The following CAPN15 variants were observed in gnomAD, a reference collection of about 807,000 sequenced individuals.
CAPN15 encodes the protein calpain-15.
CAPN15 carries 53 observed loss-of-function variants against 97.9 expected under a neutral mutation model. The ratio of observed to expected loss-of-function variants is 0.54; its 90% CI spans 0.43 to 0.68. The LOEUF (loss-of-function observed/expected upper bound fraction) is 0.68, where lower values mean the gene tolerates loss of function less well. Ranked by LOEUF, CAPN15 falls within the 30% of genes least tolerant of loss-of-function variation. The probability of loss-of-function intolerance (pLI) is 0.00; values close to 1 mark genes in which losing one functional copy is unlikely to be tolerated. For synonymous variants in CAPN15, 922 were observed against 722.5 expected (o/e 1.28, Z -4.43); for missense variants, 1,592 against 1,589.8 (o/e 1.00, Z -0.02).
chr16:540,302 CA>C, intron 3 of CAPN15: 2 of 985,502 alleles, frequency 2.0e-6, no homozygotes, highest in Non-Finnish European at 2.4e-6. Context: ...AGGAGCGGCC[CA>C]GGGGGGCCCG....
Position 551,171 on chromosome 16 carries a change from T to C in CAPN15, c.2067-131T>C, listed in dbSNP as rs878913305. On this transcript the variant is annotated intron_variant, in intron 7 of 13. Coordinates refer to ENST00000219611, the MANE Select transcript of CAPN15 (RefSeq NM_005632.3). Reference sequence around the variant, plus strand: ...GGTGAGGGCGCCCCGTCGGTGAGGGTCCCGGTCGGTGAGGGCCCCGGTCGG... The same window carrying C: ...GGTGAGGGCGCCCCGTCGGTGAGGGCCCCGGTCGGTGAGGGCCCCGGTCGG... 1.6e-4 allele frequency: 194 copies of C among 1,236,668 alleles called. 4 individuals carry two copies. The African/African-American group carries it at 2.2e-3, about 14-fold the overall frequency. 76.6% of individuals were successfully genotyped at this position (1,236,668 alleles called of 1,614,324 possible).
rs921150323 is a variant in CAPN15 at position 528,213 on chromosome 16, C to G, written c.-190+184C>G. On this transcript the variant is annotated intron_variant, in intron 1 of 13. Coordinates refer to ENST00000219611, the MANE Select transcript of CAPN15 (RefSeq NM_005632.3). ...CCCCGGAGTGGGGTCAGCCCGCCGC[C>G]CGCTGGCGCCTCCAGGCTGGTGGGG... Among the ~76,000 whole-genome samples the G allele has an allele frequency of 7.2e-5, 11 of 151,950 alleles. 1 individual carries two copies. The highest frequency in any genetic ancestry group is 1.7e-4 in the African/African-American group (7 of 41,500).
chr16:534,314 G>A (rs1481702661), intron 2 of CAPN15, among the ~76,000 whole-genome samples: 1 of 48,948 alleles, frequency 2.0e-5, no homozygotes, highest in African/African-American at 2.2e-4. Context: ...CGGCAGCGCT[G>A]GGGCTGGGGC....
At chr16:529,110 G>T (rs892682043) in intron 1 of CAPN15, among the ~76,000 whole-genome samples, 1 of 151,824 alleles carries the variant, frequency 6.6e-6, no homozygotes, top group Non-Finnish European at 1.5e-5. Flanking sequence ...TGCCTCCTCC[G>T]AGGTCCTTCT....
intron 2 of CAPN15, among the ~76,000 whole-genome samples, chr16:534,659 A>G (rs2033566506): frequency 6.6e-6 from 1 of 152,186 alleles, no homozygotes; most frequent in Admixed American, 6.5e-5. Flanking sequence ...TCGTCCCGGT[A>G]GTGGCTGGCT....
chr16:547,205 T>C lies in CAPN15; in HGVS notation c.367T>C (p.Cys123Arg), dbSNP rs1207122123. 4.6e-6 allele frequency: 7 copies of C among 1,530,484 alleles called. No homozygotes were observed. The highest frequency in any genetic ancestry group is 2.7e-5 in the African/African-American group (2 of 73,632). The allele number at this position is 1,530,484 out of a possible 1,614,324, so 94.8% of individuals were successfully genotyped here. A position where few individuals can be genotyped will look rare whatever the true frequency, so the allele number is the denominator to read the frequency against. ...GGCCACGGAGCCCGCCAGGGGGCAG[T>C]GCGAGGACAAGGACGAGGAGGAGAA... Reference protein sequence around the residue: ...LVATEPARGQCEDKDEEEKEE... With the variant: ...LVATEPARGQREDKDEEEKEE... The change falls in exon 4 of 14, where the codon TGC becomes CGC. Residue 123 changes from cysteine (C) to arginine (R), a missense_variant. Cys to Arg is a radical substitution (Grantham distance 180, BLOSUM62 -3). This residue lies in a region of CAPN15 where 883 missense variants were observed against 776.6 expected (regional missense o/e 1.14). Coordinates refer to ENST00000219611, the MANE Select transcript of CAPN15 (RefSeq NM_005632.3).
chr16:546,834 G>C lies in CAPN15; in HGVS notation c.-5G>C, dbSNP rs769778361. The C allele has an allele frequency of 5.6e-6, 9 of 1,597,892 alleles. No homozygotes were observed. The highest frequency in any genetic ancestry group is 7.7e-6 in the Non-Finnish European group (9 of 1,170,300). ...CCTTGCAGCCACACCCACTCGCCCG[G>C]GTCTATGGCCACGGTCGGAGAGTGG... On this transcript the variant is annotated 5_prime_UTR_variant, in exon 4 of 14. Coordinates refer to ENST00000219611, the MANE Select transcript of CAPN15 (RefSeq NM_005632.3).
chr16:544,000 C>T (rs114090004), intron 3 of CAPN15, among the ~76,000 whole-genome samples: 4,989 of 152,234 alleles, frequency 0.033, 153 homozygotes, highest in African/African-American at 0.074. Flanking sequence ...ATGCGGCCGG[C>T]GTGGGGCTGA....
intron 1 of CAPN15, among the ~76,000 whole-genome samples, chr16:532,269 T>C (rs2033321950): frequency 6.8e-6 from 1 of 147,046 alleles, no homozygotes; most frequent in Non-Finnish European, 1.5e-5. Flanking sequence ...AAAAGTAGAA[T>C]TCGGTTGGGC....
At chr16:541,319 C>A (rs2034095329) in intron 3 of CAPN15, among the ~76,000 whole-genome samples, 1 of 152,184 alleles carries the variant, frequency 6.6e-6, no homozygotes, top group Non-Finnish European at 1.5e-5. Flanking sequence ...AGCCCTGGAG[C>A]CCTGTCTGCG....
At chr16:534,136 G>A in intron 2 of CAPN15, 138 bp downstream of exon 2, 1 of 119,280 alleles carries the variant, frequency 8.4e-6, no homozygotes, top group Non-Finnish European at 9.8e-6. Context: ...CTGGAGGCCG[G>A]CAGCCCTGCC....
rs1453475379 is a variant in CAPN15 at position 551,171 on chromosome 16, T to TCCCGGTCGGTGAGGGC, written c.2067-115_2067-100dup. ...GGTGAGGGCGCCCCGTCGGTGAGGG[T>TCCCGGTCGGTGAGGGC]CCCGGTCGGTGAGGGCCCCGGTCGG... On this transcript the variant is annotated intron_variant, in intron 7 of 13. Transcript: ENST00000219611. 69 of 1,236,762 alleles carry TCCCGGTCGGTGAGGGC rather than the reference T, an allele frequency of 5.6e-5. 1 individual carries two copies. The highest frequency in any genetic ancestry group is 3.6e-4 in the East Asian group (13 of 35,666). 76.6% of individuals were successfully genotyped at this position (1,236,762 alleles called of 1,614,324 possible). A position where few individuals can be genotyped will look rare whatever the true frequency, so the allele number is the denominator to read the frequency against.
Position 553,453 on chromosome 16 carries a change from G to C in CAPN15, c.3198G>C (p.Lys1066Asn), listed in dbSNP as rs1251385121. The C allele has an allele frequency of 2.5e-5, 41 of 1,611,282 alleles. 2 individuals are homozygous for C. In the East Asian group the frequency reaches 9.2e-4, roughly 36 times the overall value. The change falls in exon 14 of 14, where the codon AAG becomes AAC. Residue 1066 changes from lysine to asparagine, a missense_variant. Around this residue, in one of 3 missense-constraint regions of CAPN15, gnomAD observed 644 missense variants for 699.6 expected, o/e 0.92. Coordinates refer to ENST00000219611, the MANE Select transcript of CAPN15 (RefSeq NM_005632.3). ...QAFLSDWTAS[K>N]GTHSPPLTPE... ...TCCTCAGTGACTGGACAGCCTCCAA[G>C]GGGACCCACAGCCCCCCACTCACGC... is the stretch of plus-strand genomic sequence containing the variant.
At chr16:542,084 C>G (rs2034158714) in intron 3 of CAPN15, among the ~76,000 whole-genome samples, 1 of 152,128 alleles carries the variant, frequency 6.6e-6, no homozygotes, top group African/African-American at 2.4e-5. Context: ...ACGTGGGGCC[C>G]CGTGTCTGGC....
rs1265418871 is a variant in CAPN15, at chr16:553,046, G to A, written c.3083+5G>A. 1.9e-4 allele frequency: 257 copies of A among 1,375,554 alleles called. 2 individuals are homozygous for A. Among genetic ancestry groups the A allele is most frequent in the Admixed American group, 6.1e-4 (27 of 44,292 alleles). 85.2% of individuals were successfully genotyped at this position (1,375,554 alleles called of 1,614,324 possible). ...TAGCGTGCCACCCCTGCACAGGTGCGCCCCCGCCCCTGCCCCCCCACCCCT... is the reference window on the plus strand; with the variant it reads ...TAGCGTGCCACCCCTGCACAGGTGCACCCCCGCCCCTGCCCCCCCACCCCT... On this transcript the variant is annotated splice_donor_5th_base_variant and intron_variant, in intron 13 of 13. Coordinates refer to ENST00000219611, the MANE Select transcript of CAPN15 (RefSeq NM_005632.3).
rs758164589 is a variant in CAPN15, at chr16:552,525, C to T, written c.2732C>T (p.Pro911Leu). 8 of 1,599,882 alleles carry T rather than the reference C, an allele frequency of 5.0e-6. No homozygotes were observed. The highest frequency in any genetic ancestry group is 5.9e-6 in the Non-Finnish European group (7 of 1,177,204). The change falls in exon 11 of 14, where the codon CCC (proline) becomes CTC (leucine). Residue 911 changes from proline (P) to leucine (L), a missense_variant. Physicochemically the swap from Pro to Leu is moderately conservative, Grantham distance 98. Coordinates refer to ENST00000219611, the MANE Select transcript of CAPN15 (RefSeq NM_005632.3). This position sits in a 1 kb window ranked among gnomAD's most constrained non-coding sequence, Gnocchi z 6.4. The stretch of plus-strand genomic sequence containing the variant: ...CCGCCCCTGCCGGGCACCCCTGCCC[C>T]CCAGGGTACGTGGCCCCTACCCCAG... The part of the protein sequence containing the change: ...WGPPLPGTPA[P>L]QASSPSAGVP...
chr16:531,272 C>T (rs991472852), intron 1 of CAPN15, among the ~76,000 whole-genome samples: 1 of 152,174 alleles, frequency 6.6e-6, no homozygotes, highest in Admixed American at 6.5e-5. Context: ...AATCATAGCT[C>T]GCTGCAGCCT....
At chr16:543,901 C>T (rs2034337467) in intron 3 of CAPN15, among the ~76,000 whole-genome samples, 1 of 152,194 alleles carries the variant, frequency 6.6e-6, no homozygotes. Flanking sequence ...GGTGCTGTGG[C>T]CCCATGACCG....
chr16:548,845 G>A (rs902109405), intron 4 of CAPN15, 148 bp from the exon 5 acceptor site: 9 of 743,952 alleles, frequency 1.2e-5, no homozygotes, highest in East Asian at 5.3e-5. Context: ...ACACAGGGCC[G>A]GCGCCAGGTC....
Sources: allele counts gnomAD v4.1 joint callset (sites outside exome capture counted in the v4.1 genomes callset), GRCh38; gene constraint gnomAD v4.1.1; regional missense constraint gnomAD v4.1.1; non-coding constraint Gnocchi (gnomAD v3.1); transcripts MANE v1.5; gene names NCBI Gene and HGNC (gene_info 2026-07-23, HGNC 2026-07-21).